The following AGO2 variants were observed in gnomAD, a reference collection of about 807,000 sequenced individuals.
The protein encoded by AGO2 is argonaute RISC catalytic component 2.
AGO2 carries 5 observed loss-of-function variants against 102.3 expected under a neutral mutation model. The observed-to-expected ratio is 0.05, with a 90% CI of 0.03 to 0.10. AGO2 has a LOEUF of 0.10. Among genes scored for constraint, AGO2 ranks in the 10% least tolerant of loss-of-function variants. The pLI is 1.00. For missense variants in AGO2, 541 were observed against 1,183.7 expected (o/e 0.46, Z 7.97); for synonymous variants, 449 against 473.1 (o/e 0.95, Z 0.66).
intron 1 of AGO2, among the ~76,000 whole-genome samples, chr8:140,607,106 G>A (rs997221991): frequency 5.9e-5 from 9 of 152,000 alleles, no homozygotes; most frequent in East Asian, 5.8e-4. Flanking sequence ...GAAATTAGCT[G>A]GGCGTGGTGG....
At chr8:140,542,336 T>C (rs2072815235) in intron 14 of AGO2, among the ~76,000 whole-genome samples, 1 of 152,240 alleles carries the variant, frequency 6.6e-6, no homozygotes, top group South Asian at 2.1e-4. Flanking sequence ...TGCCTCCTTC[T>C]TCGTAAATCC....
At position 140,531,706 on chromosome 8, in the gene AGO2, T is replaced by G. The variant is rs779427604; in HGVS notation, c.*338A>C. ...GAATCATGTATTAAAAACAAGTAAATTGAATGACCAAATAAATTAAAAATG... is the reference window on the plus strand; with the variant it reads ...GAATCATGTATTAAAAACAAGTAAAGTGAATGACCAAATAAATTAAAAATG... On this transcript the variant is annotated 3_prime_UTR_variant, in exon 19 of 19. Coordinates refer to ENST00000220592, the MANE Select transcript of AGO2 (RefSeq NM_012154.5). The G allele has an allele frequency of 1.5e-5, 3 of 198,034 alleles. No individual in the cohort carries two copies. Among genetic ancestry groups the G allele is most frequent in the Non-Finnish European group, 3.2e-5 (3 of 94,064 alleles). The allele number at this position is 198,034 out of a possible 1,614,324, so 12.3% of individuals were successfully genotyped here. A position where few individuals can be genotyped will look rare whatever the true frequency, so the allele number is the denominator to read the frequency against.
In AGO2 at chr8:140,526,772, G is replaced by A. The variant is rs1402090868; in HGVS notation, c.*5272C>T. ...AAAACATACTGAAAGAAGCATAAGC[G>A]AGGGCACCGTAATGGCACTGGTGTG... is the stretch of plus-strand genomic sequence containing the variant. On this transcript the variant is annotated 3_prime_UTR_variant, in exon 19 of 19. Transcript: ENST00000220592. The surrounding 1 kb of genome is among the most constrained non-coding windows in gnomAD (Gnocchi z 5.2). The A allele has an allele frequency of 6.6e-6, 1 of 152,082 alleles. No homozygotes were observed. Among genetic ancestry groups the A allele is most frequent in the African/African-American group, 2.4e-5 (1 of 41,408 alleles). The allele number at this position is 152,082 out of a possible 1,614,324, so 9.4% of individuals were successfully genotyped here. A position where few individuals can be genotyped will look rare whatever the true frequency, so the allele number is the denominator to read the frequency against.
chr8:140,607,865 C>T lies in AGO2; in HGVS notation c.23-22554G>A, dbSNP rs576471335. Among the ~76,000 whole-genome samples the T allele has an allele frequency of 1.2e-3, 185 of 152,172 alleles. 1 individual carries two copies. The highest frequency in any genetic ancestry group is 4.6e-3 in the South Asian group (22 of 4,826). ...GTCTGGACCTAGATGGAGTGATGCG[C>T]GCCCAACATCATGATGGACTTAACG... On this transcript the variant is annotated intron_variant, in intron 1 of 18. Coordinates refer to ENST00000220592, the MANE Select transcript of AGO2 (RefSeq NM_012154.5).
intron 1 of AGO2, among the ~76,000 whole-genome samples, chr8:140,588,501 T>G (rs764193592): frequency 6.9e-6 from 1 of 145,870 alleles, no homozygotes; most frequent in Non-Finnish European, 1.5e-5. Flanking sequence ...AGTGAGCACA[T>G]GTTACTGGAA....
chr8:140,598,061 A>G (rs938861248), intron 1 of AGO2, among the ~76,000 whole-genome samples: 2 of 152,216 alleles, frequency 1.3e-5, no homozygotes, highest in Non-Finnish European at 2.9e-5. Flanking sequence ...ACTATTGTAC[A>G]AGATCTAACC....
chr8:140,565,018 C>T (rs2073257238), intron 3 of AGO2, among the ~76,000 whole-genome samples: 1 of 152,148 alleles, frequency 6.6e-6, no homozygotes, highest in Non-Finnish European at 1.5e-5. Context: ...CCTATAATCC[C>T]AGCTACTTGG....
At chr8:140,593,439 G>A (rs1418328494) in intron 1 of AGO2, among the ~76,000 whole-genome samples, 6 of 150,928 alleles carry the variant, frequency 4.0e-5, no homozygotes, top group African/African-American at 9.8e-5. Flanking sequence ...TGATCCACCC[G>A]CCTCGGCCTC....
intron 10 of AGO2, among the ~76,000 whole-genome samples, chr8:140,553,411 G>T (rs9969459): frequency 0.22 from 9,719 of 44,770 alleles, 701 homozygotes; most frequent in African/African-American, 0.32. Flanking sequence ...TTTGTTTTTT[G>T]TTTTTTTTTT....
intron 13 of AGO2, among the ~76,000 whole-genome samples, 200 bp downstream of exon 13, chr8:140,547,268 C>T (rs142529573): frequency 9.3e-4 from 142 of 152,374 alleles, no homozygotes; most frequent in Non-Finnish European, 1.6e-3. Context: ...AGTGCTCAAA[C>T]TCCTGCAGAC....
intron 12 of AGO2, among the ~76,000 whole-genome samples, chr8:140,548,686 C>A (rs2072944208): frequency 6.6e-6 from 1 of 152,200 alleles, no homozygotes; most frequent in South Asian, 2.1e-4. Flanking sequence ...TGTGGGTGAC[C>A]CCCTGGCATG....
chr8:140,637,425 C>G (rs1475484315), upstream of AGO2: 1 of 152,258 alleles, frequency 6.6e-6, no homozygotes, highest in Non-Finnish European at 1.5e-5. Flanking sequence ...GCCCTCAGCC[C>G]GCCTTCAGCT....
intron 3 of AGO2, among the ~76,000 whole-genome samples, chr8:140,568,502 CG>C (rs1182830796): frequency 2.0e-5 from 3 of 152,116 alleles, no homozygotes; most frequent in Non-Finnish European, 2.9e-5. Flanking sequence ...CTGACCTGGA[CG>C]GGGCCTCCCT....
intron 12 of AGO2, among the ~76,000 whole-genome samples, chr8:140,548,651 C>T (rs1291444734): frequency 1.3e-5 from 2 of 152,344 alleles, no homozygotes; most frequent in African/African-American, 4.8e-5. Flanking sequence ...TGTCAATAAT[C>T]TGTCTGTGGC....
chr8:140,533,000 CAAA>C (rs35812545), intron 17 of AGO2, among the ~76,000 whole-genome samples: 10 of 111,920 alleles, frequency 8.9e-5, no homozygotes, highest in Non-Finnish European at 7.7e-5. Flanking sequence ...TCCTCTGTCT[CAAA>C]AAAAAAAAAA....
At chr8:140,569,395 G>C (rs1399758818) in intron 3 of AGO2, among the ~76,000 whole-genome samples, 1 of 152,190 alleles carries the variant, frequency 6.6e-6, no homozygotes, top group Non-Finnish European at 1.5e-5. Context: ...AGTGAGATGT[G>C]GGAATAAATT....
chr8:140,600,537 G>A (rs1264352564), intron 1 of AGO2, among the ~76,000 whole-genome samples: 4 of 152,162 alleles, frequency 2.6e-5, no homozygotes, highest in Admixed American at 1.3e-4. Flanking sequence ...AAAATTAGCC[G>A]GGCGTGGTGG....
In AGO2 at chr8:140,621,249, C is replaced by A. The variant is rs574208190; in HGVS notation, c.22+14236G>T. ...TGGGCTGGATGATGATGGCCGTTCC[C>A]TGGCAGCCTCTGGCCGCAGCAGTCC... On this transcript the variant is annotated intron_variant, in intron 1 of 18. Coordinates refer to ENST00000220592, the MANE Select transcript of AGO2 (RefSeq NM_012154.5). Among the ~76,000 whole-genome samples, 17 of 152,360 alleles carry A rather than the reference C, an allele frequency of 1.1e-4. No homozygotes were observed. The South Asian group carries it at 3.5e-3, about 32-fold the overall frequency.
In AGO2 at chr8:140,601,340, G is replaced by A. The variant is rs560498481; in HGVS notation, c.23-16029C>T. On this transcript the variant is annotated intron_variant, in intron 1 of 18. Transcript: ENST00000220592. The stretch of plus-strand genomic sequence containing the variant: ...TGCTGACTGGCTTGTTAAAAACGGT[G>A]CATGCCCCCAGCAGCCCCAGCACCC... 9.8e-5 allele frequency among the ~76,000 whole-genome samples: 15 copies of A among 152,286 alleles called. No homozygotes were observed. The South Asian group carries it at 3.1e-3, about 32-fold the overall frequency.
Sources: allele counts gnomAD v4.1 joint callset (sites outside exome capture counted in the v4.1 genomes callset), GRCh38; gene constraint gnomAD v4.1.1; non-coding constraint Gnocchi (gnomAD v3.1); transcripts MANE v1.5; gene names NCBI Gene and HGNC (gene_info 2026-07-23, HGNC 2026-07-21).